The following ZNF10 variants were observed in gnomAD, a reference collection of about 807,000 sequenced individuals.
ZNF10 encodes the protein zinc finger protein 10 (KOX 1).
A neutral mutation model predicts 12.2 loss-of-function variants in ZNF10; 8 were observed. The observed-to-expected ratio is 0.66, with a 90% CI of 0.39 to 1.18. The LOEUF is 1.18. ZNF10 is among the 50% of genes most tolerant of loss of function. The pLI is 0.01. For missense variants in ZNF10, 603 were observed against 678.9 expected (o/e 0.89, Z 1.24); for synonymous variants, 229 against 228.2 (o/e 1.00, Z -0.03).
At chr12:133,140,225 A>G (rs1955937046) in intron 1 of ZNF10, among the ~76,000 whole-genome samples, 1 of 149,308 alleles carries the variant, frequency 6.7e-6, no homozygotes, top group Non-Finnish European at 1.5e-5. Context: ...AAAAAAAAAA[A>G]AAAAAAGCCA....
At chr12:133,138,593 C>CACACA (rs1955926232) in intron 1 of ZNF10, among the ~76,000 whole-genome samples, 3 of 152,256 alleles carry the variant, frequency 2.0e-5, no homozygotes, top group Admixed American at 6.5e-5. Flanking sequence ...TGTCCTAATC[C>CACACA]TTCCCTGTGC....
intron 1 of ZNF10, among the ~76,000 whole-genome samples, chr12:133,141,885 A>G (rs1955946132): frequency 6.6e-6 from 1 of 152,156 alleles, no homozygotes. Flanking sequence ...ACCAAGGAAA[A>G]TAATAATCAG....
At chr12:133,144,809 T>G in intron 2 of ZNF10, 1 of 499,620 alleles carries the variant, frequency 2.0e-6, no homozygotes, top group Non-Finnish European at 3.8e-6. Flanking sequence ...TAAAATGGAC[T>G]GGAGGCTAAT....
chr12:133,159,391 CATG>C lies in ZNF10; in HGVS notation c.*2426_*2428del, dbSNP rs2135467133. The C allele has an allele frequency of 6.6e-6, 1 of 152,196 alleles. No homozygotes were observed. Among genetic ancestry groups the C allele is most frequent in the South Asian group, 2.1e-4 (1 of 4,818 alleles). The allele number at this position is 152,196 out of a possible 1,614,324, so 9.4% of individuals were successfully genotyped here. ...AAAATGCTGTCATGTGTTACAAAAG[CATG>C]ATAAATAATTGTTAATATGGAATAA... On this transcript the variant is annotated 3_prime_UTR_variant, in exon 5 of 5. Coordinates refer to ENST00000248211, the MANE Select transcript of ZNF10 (RefSeq NM_015394.5).
chr12:133,151,537 G>A (rs990949446), intron 3 of ZNF10, among the ~76,000 whole-genome samples: 1 of 152,128 alleles, frequency 6.6e-6, no homozygotes, highest in Admixed American at 6.6e-5. Context: ...CCAGCTACTT[G>A]GGAGGCTGAG....
chr12:133,139,369 C>T (rs1313799802), intron 1 of ZNF10: 4 of 152,164 alleles, frequency 2.6e-5, no homozygotes, highest in African/African-American at 9.7e-5. Flanking sequence ...GTTCAGGCAA[C>T]TCAAGTGGTT....
chr12:133,130,847 C>G (rs1280407569), intron 1 of ZNF10, 93 bp downstream of exon 1: 1 of 152,204 alleles, frequency 6.6e-6, no homozygotes, highest in Non-Finnish European at 1.5e-5. Context: ...CTTCGTATTT[C>G]TAGGTAGACG....
intron 2 of ZNF10, among the ~76,000 whole-genome samples, chr12:133,146,383 G>A (rs1399678568): frequency 6.6e-6 from 1 of 152,216 alleles, no homozygotes; most frequent in Admixed American, 6.5e-5. Flanking sequence ...GAACAGAGTA[G>A]GGTGGAGAGG....
At chr12:133,146,479 G>A (rs1190630877) in intron 2 of ZNF10, among the ~76,000 whole-genome samples, 2 of 152,080 alleles carry the variant, frequency 1.3e-5, no homozygotes, top group Non-Finnish European at 2.9e-5. Context: ...ATACAGTAAC[G>A]TTTTCCACTT....
intron 1 of ZNF10, among the ~76,000 whole-genome samples, chr12:133,137,359 G>C (rs1955918467): frequency 6.6e-6 from 1 of 152,152 alleles, no homozygotes; most frequent in South Asian, 2.1e-4. Context: ...TGGCATTCTT[G>C]GCTGGCTGTG....
rs989190657 is a variant in ZNF10, at chr12:133,158,321, T to A, written c.*1353T>A. On this transcript the variant is annotated 3_prime_UTR_variant, in exon 5 of 5. Transcript: ENST00000248211. Reference sequence around the variant, plus strand: ...TATCTGTTATTTAATTGAAATCTGCTTGTGTGCTTATAAGAATTTACTGAG... The same window carrying A: ...TATCTGTTATTTAATTGAAATCTGCATGTGTGCTTATAAGAATTTACTGAG... 2 of 152,240 alleles carry A rather than the reference T, an allele frequency of 1.3e-5. No individual in the cohort carries two copies. The highest frequency in any genetic ancestry group is 4.8e-5 in the African/African-American group (2 of 41,458). 9.4% of individuals were successfully genotyped at this position (152,240 alleles called of 1,614,324 possible). A position where few individuals can be genotyped will look rare whatever the true frequency, so the allele number is the denominator to read the frequency against.
At chr12:133,147,608 G>GTTTTTTTTTTTTTTTTTTTTTTGTTT (rs149592494) in intron 2 of ZNF10, among the ~76,000 whole-genome samples, 1 of 117,118 alleles carries the variant, frequency 8.5e-6, no homozygotes, top group Non-Finnish European at 1.7e-5. Context: ...TGTTTTCTGA[G>GTTTTTTTTTTTTTTTTTTTTTTGTTT]TTTTTTTTTT....
At chr12:133,135,301 T>C (rs1014897858) in intron 1 of ZNF10, among the ~76,000 whole-genome samples, 1 of 152,118 alleles carries the variant, frequency 6.6e-6, no homozygotes, top group African/African-American at 2.4e-5. Flanking sequence ...AAATAGTAAG[T>C]TGGGCTCCAA....
Position 133,151,032 on chromosome 12 carries a change from T to G in ZNF10, c.38T>G (p.Leu13Arg). Residue 13 changes from leucine to arginine, a missense_variant, in exon 3 of 5, where the codon CTG (leucine) becomes CGG (arginine). By Grantham distance (102) the Leu-to-Arg change is moderately radical. Around this residue, in one of 3 missense-constraint regions of ZNF10, gnomAD observed 393 missense variants for 399.7 expected, o/e 0.98. Coordinates refer to ENST00000248211, the MANE Select transcript of ZNF10 (RefSeq NM_015394.5). The part of the protein sequence containing the change: ...AKSLTAWSRT[L>R]VTFKDVFVDF... ...CAAATGTGTTTGATGTTGTAGACAC[T>G]GGTGACCTTCAAGGATGTATTTGTG... 1 of 1,612,808 alleles carries G rather than the reference T, an allele frequency of 6.2e-7. No homozygotes were observed. Among genetic ancestry groups the G allele is most frequent in the South Asian group, 1.1e-5 (1 of 90,926 alleles).
At chr12:133,155,266 T>C (rs1241861133) in intron 4 of ZNF10, among the ~76,000 whole-genome samples, 1 of 152,166 alleles carries the variant, frequency 6.6e-6, no homozygotes, top group Non-Finnish European at 1.5e-5. Flanking sequence ...CCTGATCCCA[T>C]GTGTCATGCT....
Position 133,130,741 on chromosome 12 carries a change from G to C in ZNF10, c.-73G>C, listed in dbSNP as rs1422872764. The C allele has an allele frequency of 6.6e-6, 1 of 152,470 alleles. No homozygotes were observed. Among genetic ancestry groups the C allele is most frequent in the African/African-American group, 2.4e-5 (1 of 41,474 alleles). The allele number at this position is 152,470 out of a possible 1,614,324, so 9.4% of individuals were successfully genotyped here. On this transcript the variant is annotated 5_prime_UTR_variant, in exon 1 of 5. The change abolishes the stop of an existing upstream ORF in the 5' untranslated region. Transcript: ENST00000248211. ...TCGCTTTCTCCCATCGAACCTTCTA[G>C]TTGCTTATTGCAGGTATATACGAAA...
intron 2 of ZNF10, among the ~76,000 whole-genome samples, chr12:133,149,352 CTTTTTTTTTT>C (rs144304054): frequency 1.2e-5 from 1 of 85,806 alleles, no homozygotes; most frequent in Non-Finnish European, 2.2e-5. Flanking sequence ...TTTGCTATTG[CTTTTTTTTTT>C]TTTTTTTTTT....
chr12:133,151,141 C>A lies in ZNF10; in HGVS notation c.147C>A (p.Asn49Lys), dbSNP rs760716121. 49 of 1,612,648 alleles carry A rather than the reference C, an allele frequency of 3.0e-5. No individual in the cohort carries two copies. The highest frequency in any genetic ancestry group is 3.6e-5 in the Non-Finnish European group (43 of 1,179,144). The change falls in exon 3 of 5, where the codon AAC becomes AAA. Residue 49 changes from asparagine (N) to lysine (K), a missense_variant. Physicochemically the swap from Asn to Lys is moderately conservative, Grantham distance 94. Coordinates refer to ENST00000248211, the MANE Select transcript of ZNF10 (RefSeq NM_015394.5). ...ATGTGATGCTGGAGAACTATAAGAA[C>A]CTGGTTTCCTTGGGTAAGACTAGCT... ...YRNVMLENYK[N>K]LVSLGYQLTK...
chr12:133,156,810 T>G lies in ZNF10; in HGVS notation c.1564T>G (p.Cys522Gly), dbSNP rs768143588. 1 of 1,552,538 alleles carries G rather than the reference T, an allele frequency of 6.4e-7. No individual in the cohort carries two copies. The highest frequency in any genetic ancestry group is 2.2e-5 in the East Asian group (1 of 44,476). Reference sequence around the variant, plus strand: ...AGAAGAGACCTATAAATGTAATCAATGTGGCATTATCTTCAGCCAGAACTC... The same window carrying G: ...AGAAGAGACCTATAAATGTAATCAAGGTGGCATTATCTTCAGCCAGAACTC... ...VGEETYKCNQCGIIFSQNSPF... is the reference protein window; with the variant it reads ...VGEETYKCNQGGIIFSQNSPF... Residue 522 changes from cysteine (C) to glycine (G), a missense_variant, in exon 5 of 5, where the codon TGT becomes GGT. Physicochemically the swap from Cys to Gly is radical, Grantham distance 159 (BLOSUM62 -3). Transcript: ENST00000248211.
Sources: gnomAD v4.1 joint callset for allele counts (sites outside exome capture counted in the v4.1 genomes callset) on GRCh38, gnomAD v4.1.1 for gene constraint, gnomAD v4.1.1 regional missense constraint, MANE v1.5 for transcripts, NCBI Gene and HGNC (gene_info 2026-07-23, HGNC 2026-07-21) for gene names.